Variants in CSNK1E observed in about 807,000 individuals in gnomAD.
The protein encoded by CSNK1E is casein kinase I isoform epsilon.
CSNK1E carries 17 observed loss-of-function variants against 46.1 expected under a neutral mutation model. That is an observed-to-expected ratio of 0.37 (90% CI 0.25 to 0.55). The LOEUF (loss-of-function observed/expected upper bound fraction) is 0.55. Ranked by LOEUF, CSNK1E falls within the 20% of genes least tolerant of loss-of-function variation. The pLI, the probability that CSNK1E is intolerant of heterozygous loss-of-function variation, is 0.82. For missense variants in CSNK1E, 386 were observed against 595.4 expected (o/e 0.65, Z 3.66); for synonymous variants, 241 against 242.6 (o/e 0.99, Z 0.06).
intron 2 of CSNK1E, among the ~76,000 whole-genome samples, chr22:38,308,279 G>T (rs28575783): frequency 0.071 from 10,866 of 152,188 alleles, 540 homozygotes; most frequent in Admixed American, 0.17. Flanking sequence ...CCAGCAACAG[G>T]AATGAAAGTA....
chr22:38,300,136 T>C lies in CSNK1E; in HGVS notation c.566-71A>G, dbSNP rs148020976. 248 of 1,482,498 alleles carry C rather than the reference T, an allele frequency of 1.7e-4. No homozygotes were observed. The East Asian group carries it at 4.2e-3, about 25-fold the overall frequency. The allele number at this position is 1,482,498 out of a possible 1,614,324, so 91.8% of individuals were successfully genotyped here. A position where few individuals can be genotyped will look rare whatever the true frequency, so the allele number is the denominator to read the frequency against. On this transcript the variant is annotated intron_variant, in intron 5 of 10. Coordinates refer to ENST00000396832, the MANE Select transcript of CSNK1E (RefSeq NM_152221.3). The surrounding 1 kb of genome is among the most constrained non-coding windows in gnomAD (Gnocchi z 4.4). ...GGCCCCTAACTCATCCTCTGGGTCA[T>C]GCTCCTCACAATGCACCAGGACCCT...
At chr22:38,306,117 G>T (rs2092697638) in intron 2 of CSNK1E, among the ~76,000 whole-genome samples, 1 of 152,202 alleles carries the variant, frequency 6.6e-6, no homozygotes, top group East Asian at 1.9e-4. Context: ...CCAAGATACA[G>T]GAAGTGAAAA....
intron 1 of CSNK1E, among the ~76,000 whole-genome samples, chr22:38,315,726 C>G (rs531153891): frequency 6.6e-6 from 1 of 151,872 alleles, no homozygotes; most frequent in African/African-American, 2.4e-5. Flanking sequence ...CCAGGAAACC[C>G]GCAGGTTAGG....
intron 1 of CSNK1E, 25 bp from the exon 2 acceptor site, chr22:38,314,194 G>C: frequency 6.3e-7 from 1 of 1,599,158 alleles, no homozygotes; most frequent in Non-Finnish European, 8.6e-7. Flanking sequence ...GGAACATGAG[G>C]GTCAGCGACG....
At position 38,294,286 on chromosome 22, in the gene CSNK1E, C is replaced by A. The variant is rs1388549337; in HGVS notation, c.1079-38G>T. 1.7e-5 allele frequency: 27 copies of A among 1,602,982 alleles called. No homozygotes were observed. The highest frequency in any genetic ancestry group is 2.2e-5 in the Non-Finnish European group (26 of 1,175,450). ...TGGGAAGCCACCCTCAGAGTAGGCA[C>A]AAACAGAGCCCCCCACCCACCCTGA... On this transcript the variant is annotated intron_variant, in intron 8 of 10. Transcript: ENST00000396832. This position sits in a 1 kb window ranked among gnomAD's most constrained non-coding sequence, Gnocchi z 5.5.
intron 4 of CSNK1E, among the ~76,000 whole-genome samples, chr22:38,302,148 A>G (rs1008898207): frequency 6.6e-6 from 1 of 152,218 alleles, no homozygotes; most frequent in East Asian, 1.9e-4. Context: ...GCGTTCACCT[A>G]CGGTCACTGG....
intron 7 of CSNK1E, chr22:38,297,922 A>T: frequency 1.8e-6 from 2 of 1,107,424 alleles, no homozygotes; most frequent in South Asian, 4.0e-5. Flanking sequence ...ACAGGCCAGT[A>T]GTTTTGGGGG....
In CSNK1E at chr22:38,317,401, C is replaced by CCGCCCGCT. The variant is rs1218067820; in HGVS notation, c.-255_-254insAGCGGGCG. ...TCCCTCCTCCCGGCCTCCTGCCCGC[C>CCGCCCGCT]CGCCCGCCCCCGCCGCCGGCTCGCG... is the stretch of plus-strand genomic sequence containing the variant. On this transcript the variant is annotated 5_prime_UTR_variant, in exon 1 of 11. Coordinates refer to ENST00000396832, the MANE Select transcript of CSNK1E (RefSeq NM_152221.3). The CCGCCCGCT allele has an allele frequency of 7.8e-6, 1 of 128,782 alleles. No individual in the cohort carries two copies. The highest frequency in any genetic ancestry group is 1.7e-5 in the Non-Finnish European group (1 of 58,568). The allele number at this position is 128,782 out of a possible 1,614,324, so 8.0% of individuals were successfully genotyped here. A position where few individuals can be genotyped will look rare whatever the true frequency, so the allele number is the denominator to read the frequency against.
intron 2 of CSNK1E, among the ~76,000 whole-genome samples, chr22:38,312,002 C>A (rs2092723145): frequency 6.6e-6 from 1 of 152,204 alleles, no homozygotes; most frequent in Non-Finnish European, 1.5e-5. Context: ...CAGCGTTTCA[C>A]CATGTTGGCC....
intron 2 of CSNK1E, among the ~76,000 whole-genome samples, chr22:38,305,815 C>T (rs555025763): frequency 6.2e-4 from 95 of 152,232 alleles, no homozygotes; most frequent in African/African-American, 2.2e-3. Flanking sequence ...CTGAGCACTC[C>T]TCCCAGGTGG....
rs1272052527 is a variant in CSNK1E at position 38,300,071 on chromosome 22, CAG to C, written c.566-8_566-7del. On this transcript the variant is annotated splice_polypyrimidine_tract_variant and splice_region_variant and intron_variant, in intron 5 of 10. Transcript: ENST00000396832. This position sits in a 1 kb window ranked among gnomAD's most constrained non-coding sequence, Gnocchi z 4.4. ...GTCATCTCGACGGCTTTGCTCTGCA[CAG>C]AGAGTCAAAGACTAGGTGAGGGACA... is the stretch of plus-strand genomic sequence containing the variant. 6 of 1,612,950 alleles carry C rather than the reference CAG, an allele frequency of 3.7e-6. No individual in the cohort carries two copies. The highest frequency in any genetic ancestry group is 5.1e-6 in the Non-Finnish European group (6 of 1,179,438).
At chr22:38,315,615 A>G (rs1426483323) in intron 1 of CSNK1E, among the ~76,000 whole-genome samples, 2 of 150,618 alleles carry the variant, frequency 1.3e-5, no homozygotes, top group African/African-American at 2.4e-5. Context: ...AGGCACACAC[A>G]GTGAGCCCTG....
In CSNK1E at chr22:38,317,282, A is replaced by AGCCGCCGCCGCCGCCGCC. The variant is rs552795135; in HGVS notation, c.-153_-136dup. On this transcript the variant is annotated 5_prime_UTR_variant, in exon 1 of 11. Transcript: ENST00000396832. ...CCGGCGCGCCAGCCTCTCCCGGCCC[A>AGCCGCCGCCGCCGCCGCC]GCCGCCGCCGCCGCCGCCGCCGCCG... 5 of 146,452 alleles carry AGCCGCCGCCGCCGCCGCC rather than the reference A, an allele frequency of 3.4e-5. No individual in the cohort carries two copies. Among genetic ancestry groups the AGCCGCCGCCGCCGCCGCC allele is most frequent in the African/African-American group, 5.1e-5 (2 of 39,254 alleles). The allele number at this position is 146,452 out of a possible 1,614,324, so 9.1% of individuals were successfully genotyped here. A position where few individuals can be genotyped will look rare whatever the true frequency, so the allele number is the denominator to read the frequency against.
At chr22:38,301,864 G>C (rs1019037584) in intron 4 of CSNK1E, among the ~76,000 whole-genome samples, 1 of 152,044 alleles carries the variant, frequency 6.6e-6, no homozygotes, top group African/African-American at 2.4e-5. Context: ...GCGACCCTCT[G>C]CTCACACACC....
At chr22:38,307,251 T>C (rs6001095) in intron 2 of CSNK1E, among the ~76,000 whole-genome samples, 3,418 of 152,080 alleles carry the variant, frequency 0.022, 107 homozygotes, top group African/African-American at 0.073. Flanking sequence ...GTATTAGGTA[T>C]TATAAGTGAT....
intron 1 of CSNK1E, among the ~76,000 whole-genome samples, chr22:38,314,689 A>G (rs984293567): frequency 6.6e-6 from 1 of 152,212 alleles, no homozygotes; most frequent in African/African-American, 2.4e-5. Context: ...ACGGAGGCCC[A>G]TAGCCGCTTG....
intron 7 of CSNK1E, chr22:38,295,451 TGGA>T (rs1253945624): frequency 1.0e-6 from 1 of 969,202 alleles, no homozygotes; most frequent in East Asian, 1.1e-4. Flanking sequence ...GCCGCATCTG[TGGA>T]GGAGAGAGCT....
chr22:38,313,249 G>A (rs886186054), intron 2 of CSNK1E, among the ~76,000 whole-genome samples: 1 of 152,222 alleles, frequency 6.6e-6, no homozygotes, highest in Admixed American at 6.5e-5. Context: ...ACAGAGGTGT[G>A]TCTAGCCTGC....
intron 9 of CSNK1E, 68 bp from the exon 10 acceptor site, chr22:38,293,387 C>G: frequency 1.0e-6 from 1 of 994,908 alleles, no homozygotes; most frequent in Non-Finnish European, 1.6e-6. Flanking sequence ...AGTCAAGTCC[C>G]TTAGCCGCTG....
Sources: gnomAD v4.1 joint callset for allele counts (sites outside exome capture counted in the v4.1 genomes callset) on GRCh38, gnomAD v4.1.1 for gene constraint, Gnocchi (gnomAD v3.1) non-coding constraint, MANE v1.5 for transcripts, NCBI Gene and HGNC (gene_info 2026-07-23, HGNC 2026-07-21) for gene names.